Variants in PHACTR1 observed in about 807,000 individuals in gnomAD.
PHACTR1 encodes the protein phosphatase and actin regulator 1, also known as RPEL repeat containing 1.
PHACTR1 carries 16 observed loss-of-function variants against 69.2 expected under a neutral mutation model. The observed-to-expected ratio is 0.23, with a 90% confidence interval of 0.16 to 0.35. PHACTR1 has a LOEUF of 0.35. Among genes scored for constraint, PHACTR1 ranks in the 10% least tolerant of loss-of-function variants. The pLI is 1.00. For missense variants in PHACTR1, 510 were observed against 734.7 expected (o/e 0.69, Z 3.54); for synonymous variants, 312 against 284.5 (o/e 1.10, Z -0.97).
chr6:12,959,202 A>AAAAAAAAAAAAAAAAAAAAAAAG (rs1562056492), intron 4 of PHACTR1, among the ~76,000 whole-genome samples: 8 of 69,102 alleles, frequency 1.2e-4, no homozygotes, highest in African/African-American at 6.4e-4. Context: ...AAAAGAAAAG[A>AAAAAAAAAAAAAAAAAAAAAAAG]AAAAAAAAAG....
chr6:13,019,294 T>C (rs914537780), intron 4 of PHACTR1, among the ~76,000 whole-genome samples: 3 of 152,146 alleles, frequency 2.0e-5, no homozygotes, highest in Admixed American at 6.5e-5. Flanking sequence ...TTAATTCCCA[T>C]AGACATATCA....
chr6:13,163,993 C>G lies in PHACTR1; in HGVS notation c.496+3709C>G, dbSNP rs574174324. Among the ~76,000 whole-genome samples the G allele has an allele frequency of 3.4e-4, 52 of 152,152 alleles. 1 individual carries two copies. The highest frequency in any genetic ancestry group is 1.1e-3 in the African/African-American group (47 of 41,502). On this transcript the variant is annotated intron_variant, in intron 6 of 14. Transcript: ENST00000332995. Reference sequence around the variant, plus strand: ...TTTATGTGCCTCACCCTAGGTGACCCTATCAACAGGCCCAAGAATTCAGAA... The same window carrying G: ...TTTATGTGCCTCACCCTAGGTGACCGTATCAACAGGCCCAAGAATTCAGAA...
At chr6:13,184,844 C>T (rs1024392071) in intron 7 of PHACTR1, 1 of 1,366,574 alleles carries the variant, frequency 7.3e-7, no homozygotes, top group Non-Finnish European at 9.8e-7. Context: ...GTCCTCCTGT[C>T]CCAAGATCCT....
intron 5 of PHACTR1, among the ~76,000 whole-genome samples, chr6:13,112,057 G>A (rs1017237474): frequency 2.6e-5 from 4 of 151,928 alleles, no homozygotes; most frequent in Admixed American, 6.6e-5. Flanking sequence ...GGCCCCAGTG[G>A]GTGTTGCTCC....
At chr6:12,954,448 C>T (rs538526243) in intron 4 of PHACTR1, among the ~76,000 whole-genome samples, 3 of 151,536 alleles carry the variant, frequency 2.0e-5, no homozygotes, top group South Asian at 2.1e-4. Context: ...CAGGGGTGCT[C>T]GTGATAGTTT....
chr6:12,875,102 C>T (rs772836074), intron 4 of PHACTR1, among the ~76,000 whole-genome samples: 1 of 152,158 alleles, frequency 6.6e-6, no homozygotes, highest in Non-Finnish European at 1.5e-5. Context: ...GCACATTGGA[C>T]ATCAAATAGC....
intron 4 of PHACTR1, among the ~76,000 whole-genome samples, chr6:12,891,454 A>G (rs1276881937): frequency 1.3e-5 from 2 of 152,196 alleles, no homozygotes; most frequent in African/African-American, 4.8e-5. Context: ...AGATTGAGAC[A>G]TGTTTGCATT....
intron 7 of PHACTR1, among the ~76,000 whole-genome samples, chr6:13,189,705 C>T (rs569091604): frequency 3.3e-5 from 5 of 152,078 alleles, no homozygotes; most frequent in African/African-American, 1.2e-4. Flanking sequence ...CGGCCTATTC[C>T]CAAATCTTTA....
At chr6:12,994,328 C>T (rs1797168130) in intron 4 of PHACTR1, among the ~76,000 whole-genome samples, 2 of 152,076 alleles carry the variant, frequency 1.3e-5, no homozygotes, top group South Asian at 2.1e-4. Context: ...GATTTTTCCC[C>T]CCCTTGGAGA....
chr6:12,909,617 G>A (rs1004957963), intron 4 of PHACTR1, among the ~76,000 whole-genome samples: 55 of 152,184 alleles, frequency 3.6e-4, no homozygotes, highest in African/African-American at 1.2e-3. Flanking sequence ...TTGCTCATTT[G>A]TAAAAGTGCA....
chr6:12,866,313 G>C (rs894867685), intron 4 of PHACTR1, among the ~76,000 whole-genome samples: 8 of 151,994 alleles, frequency 5.3e-5, no homozygotes, highest in Non-Finnish European at 1.2e-4. Context: ...GCTTTTCCTG[G>C]TAAAGAAAAA....
intron 4 of PHACTR1, among the ~76,000 whole-genome samples, chr6:12,972,434 A>G (rs1794332654): frequency 6.6e-6 from 1 of 152,186 alleles, no homozygotes; most frequent in South Asian, 2.1e-4. Context: ...GCCTAAAGCA[A>G]CACTAGATTT....
At chr6:12,987,853 A>G (rs940094816) in intron 4 of PHACTR1, among the ~76,000 whole-genome samples, 1 of 152,234 alleles carries the variant, frequency 6.6e-6, no homozygotes, top group South Asian at 2.1e-4. Flanking sequence ...AGTCCTGATG[A>G]TAACTATAAA....
chr6:13,172,417 G>T (rs955209860), intron 6 of PHACTR1, among the ~76,000 whole-genome samples: 2 of 152,132 alleles, frequency 1.3e-5, no homozygotes, highest in Admixed American at 6.5e-5. Flanking sequence ...AACCATACCC[G>T]GGAGACAGGC....
chr6:12,930,834 TGAGGTTAGGAGTTC>T (rs988480096), intron 4 of PHACTR1, among the ~76,000 whole-genome samples: 1 of 152,058 alleles, frequency 6.6e-6, no homozygotes, highest in African/African-American at 2.4e-5. Flanking sequence ...GCAGATCACC[TGAGGTTAGGAGTTC>T]GAGACCAGCC....
intron 4 of PHACTR1, among the ~76,000 whole-genome samples, chr6:13,037,366 C>T (rs764911551): frequency 6.6e-6 from 1 of 152,196 alleles, no homozygotes; most frequent in African/African-American, 2.4e-5. Flanking sequence ...GAGATCCACC[C>T]ACTAGAGCTT....
At chr6:12,844,717 A>C (rs1178219328) in intron 4 of PHACTR1, among the ~76,000 whole-genome samples, 1 of 152,064 alleles carries the variant, frequency 6.6e-6, no homozygotes, top group Non-Finnish European at 1.5e-5. Context: ...TTCAAGAAGT[A>C]TTTGAGGTAG....
At chr6:12,908,106 GTTC>G (rs1026323227) in intron 4 of PHACTR1, among the ~76,000 whole-genome samples, 11 of 152,144 alleles carry the variant, frequency 7.2e-5, no homozygotes, top group Non-Finnish European at 5.9e-5. Context: ...ATTTAGGGAT[GTTC>G]TTCTTTATAT....
chr6:12,830,389 T>A lies in PHACTR1; in HGVS notation c.250+80599T>A, dbSNP rs143975723. Among the ~76,000 whole-genome samples, 1,066 of 151,810 alleles carry A rather than the reference T, an allele frequency of 7.0e-3. 17 individuals carry two copies. Among genetic ancestry groups the A allele is most frequent in the African/African-American group, 0.025 (1,015 of 41,418 alleles). On this transcript the variant is annotated intron_variant, in intron 4 of 14. Transcript: ENST00000332995. The stretch of plus-strand genomic sequence containing the variant: ...GATGGTAAGGTACTTGTTTCTTTCA[T>A]TTTCTGCTTTATGGAATCCACATAT...
Sources: allele counts gnomAD v4.1 joint callset (sites outside exome capture counted in the v4.1 genomes callset), GRCh38; gene constraint gnomAD v4.1.1; transcripts MANE v1.5; gene names NCBI Gene and HGNC (gene_info 2026-07-23, HGNC 2026-07-21).